DGKG: variants seen among roughly 807,000 people sequenced by gnomAD.
DGKG encodes the protein diacylglycerol kinase gamma, also known as DAG kinase gamma.
A neutral mutation model predicts 105.3 loss-of-function variants in DGKG; 78 were observed. The ratio of observed to expected loss-of-function variants is 0.74; its 90% CI spans 0.62 to 0.89. DGKG has a LOEUF of 0.89. Ranked by LOEUF, DGKG falls within the 40% of genes least tolerant of loss-of-function variation. The pLI, the probability that DGKG is intolerant of heterozygous loss-of-function variation, is 0.00. For synonymous variants in DGKG, 346 were observed against 367.1 expected, an observed-to-expected ratio of 0.94 and a Z score of 0.66; for missense variants, 958 against 1,020.1, an observed-to-expected ratio of 0.94 and a Z score of 0.83.
In DGKG at chr3:186,280,072, G is replaced by C. The variant is rs899980106; in HGVS notation, c.670-99C>G. On this transcript the variant is annotated intron_variant, in intron 8 of 24. Transcript: ENST00000265022. ...TTGTTCATCTTGCATTATCTGGTTT[G>C]TGTTTTACCCCTTTCCCCTCCTGTT... The C allele has an allele frequency of 9.5e-6, 14 of 1,474,210 alleles. No homozygotes were observed. In the South Asian group the frequency reaches 1.6e-4, roughly 17 times the overall value. The allele number at this position is 1,474,210 out of a possible 1,614,324, so 91.3% of individuals were successfully genotyped here.
chr3:186,332,609 A>G (rs1725653959), intron 1 of DGKG, among the ~76,000 whole-genome samples: 1 of 152,228 alleles, frequency 6.6e-6, no homozygotes, highest in Non-Finnish European at 1.5e-5. Flanking sequence ...TCTTGGCTCT[A>G]TCCTATATAA....
chr3:186,150,379 G>A (rs1293039459), intron 24 of DGKG, among the ~76,000 whole-genome samples, 191 bp from the exon 25 acceptor site: 2 of 152,158 alleles, frequency 1.3e-5, no homozygotes, highest in Admixed American at 6.5e-5. Flanking sequence ...ACGGCTGGAA[G>A]TGAGGGGCGG....
chr3:186,280,042 C>A, intron 8 of DGKG, 69 bp from the exon 9 acceptor site: 5 of 1,583,110 alleles, frequency 3.2e-6, no homozygotes, highest in Non-Finnish European at 4.3e-6. Context: ...TCTGCCTCTG[C>A]TGTCTTGTTC....
At chr3:186,286,528 A>G (rs1434548727) in intron 6 of DGKG, among the ~76,000 whole-genome samples, 1 of 150,034 alleles carries the variant, frequency 6.7e-6, no homozygotes, top group Non-Finnish European at 1.5e-5. Flanking sequence ...AGTACTTAGC[A>G]AATAGAAGGT....
chr3:186,285,617 G>T (rs1304097884), intron 6 of DGKG, among the ~76,000 whole-genome samples: 1 of 151,788 alleles, frequency 6.6e-6, no homozygotes, highest in East Asian at 1.9e-4. Flanking sequence ...GGTCTCATAA[G>T]TCAGCATGGC....
At chr3:186,216,322 A>T (rs960164840) in intron 20 of DGKG, among the ~76,000 whole-genome samples, 3 of 151,978 alleles carry the variant, frequency 2.0e-5, no homozygotes, top group African/African-American at 7.3e-5. Flanking sequence ...TAGCATCACC[A>T]AGACCTAAGA....
chr3:186,274,074 C>T (rs982981630), intron 10 of DGKG, among the ~76,000 whole-genome samples: 7 of 152,176 alleles, frequency 4.6e-5, no homozygotes, highest in Non-Finnish European at 1.0e-4. Context: ...TCCTCTACCA[C>T]TTGTAGTTTT....
chr3:186,188,676 T>C (rs1717759842), intron 21 of DGKG, among the ~76,000 whole-genome samples: 1 of 152,182 alleles, frequency 6.6e-6, no homozygotes, highest in Admixed American at 6.5e-5. Flanking sequence ...TTAAGTCAAT[T>C]GTCAAACTGT....
intron 1 of DGKG, among the ~76,000 whole-genome samples, chr3:186,322,998 T>C (rs557257306): frequency 1.3e-5 from 2 of 152,282 alleles, no homozygotes; most frequent in Admixed American, 1.3e-4. Flanking sequence ...AGCCCTGGCA[T>C]TAACTCAGAC....
At chr3:186,201,622 A>G (rs1319095064) in intron 21 of DGKG, among the ~76,000 whole-genome samples, 1 of 152,202 alleles carries the variant, frequency 6.6e-6, no homozygotes, top group Non-Finnish European at 1.5e-5. Context: ...AGAAGGCATG[A>G]GTGCCAGCCA....
intron 1 of DGKG, among the ~76,000 whole-genome samples, chr3:186,332,868 G>A (rs990671291): frequency 6.6e-6 from 1 of 152,030 alleles, no homozygotes; most frequent in East Asian, 1.9e-4. Flanking sequence ...TGGATTAATG[G>A]TCTATCATGG....
rs10693756 is a variant in DGKG at position 186,249,832 on chromosome 3, AAAAAC to A, written c.1761+1922_1761+1926del. ...TAAGTGACAGAGTGAGACTCGTCTC[AAAAAC>A]AAAACAAAACAAAACAAAACAACAC... On this transcript the variant is annotated intron_variant, in intron 19 of 24. Coordinates refer to ENST00000265022, the MANE Select transcript of DGKG (RefSeq NM_001346.3). Among the ~76,000 whole-genome samples, 107 of 151,882 alleles carry A rather than the reference AAAAAC, an allele frequency of 7.0e-4. 1 individual carries two copies. In the South Asian group the frequency reaches 9.1e-3, roughly 13 times the overall value.
chr3:186,259,482 T>C (rs1721648914), intron 16 of DGKG, among the ~76,000 whole-genome samples: 1 of 152,204 alleles, frequency 6.6e-6, no homozygotes, highest in Non-Finnish European at 1.5e-5. Flanking sequence ...TATGTTTCTT[T>C]CTCTTTTTAA....
chr3:186,318,773 T>C (rs1240331861), intron 2 of DGKG, among the ~76,000 whole-genome samples: 1 of 152,152 alleles, frequency 6.6e-6, no homozygotes, highest in Non-Finnish European at 1.5e-5. Flanking sequence ...GACTCCTTGA[T>C]TGTGGACTTC....
chr3:186,267,749 A>T lies in DGKG; in HGVS notation c.1145T>A (p.Leu382Ter), dbSNP rs745557492. 2.3e-5 allele frequency: 37 copies of T among 1,613,982 alleles called. No homozygotes were observed. The highest frequency in any genetic ancestry group is 3.3e-5 in the Admixed American group (2 of 60,004). ...GTCTCTGAGTTCCCCACCGTCACACAACGTTGATAATTCACATTTGCGGTG... is the reference window on the plus strand; with the variant it reads ...GTCTCTGAGTTCCCCACCGTCACACTACGTTGATAATTCACATTTGCGGTG... The part of the protein sequence containing the change: ...TFHRKCELST[L>*]CDGGELRDHI... Residue 382 changes from leucine to a stop codon, truncating the protein, a stop_gained, in exon 13 of 25, where the codon TTG (leucine) becomes TAG (stop). Coordinates refer to ENST00000265022, the MANE Select transcript of DGKG (RefSeq NM_001346.3). LOFTEE classifies it high-confidence loss of function.
At chr3:186,260,567 C>A (rs1721721121) in intron 15 of DGKG, 54 bp from the exon 16 acceptor site, 4 of 1,368,266 alleles carry the variant, frequency 2.9e-6, no homozygotes, top group East Asian at 2.3e-5. Context: ...AGGAATATGT[C>A]ATCGTGAGAA....
chr3:186,290,171 C>T (rs1218033028), intron 5 of DGKG, among the ~76,000 whole-genome samples: 2 of 152,120 alleles, frequency 1.3e-5, no homozygotes, highest in Admixed American at 6.5e-5. Context: ...TGGACAAGGC[C>T]CTTAGCGGGA....
chr3:186,298,435 G>C (rs1020781457), intron 3 of DGKG, among the ~76,000 whole-genome samples: 1 of 152,216 alleles, frequency 6.6e-6, no homozygotes, highest in Non-Finnish European at 1.5e-5. Flanking sequence ...GGGTGTAAGA[G>C]AGAGAAAATG....
At chr3:186,161,761 GCCTA>G (rs1716302018) in intron 23 of DGKG, 98 bp from the exon 24 acceptor site, 15 of 1,561,874 alleles carry the variant, frequency 9.6e-6, no homozygotes, top group Admixed American at 7.2e-5. Context: ...AACCTTATCT[GCCTA>G]CCTAAGTGTG....
Sources: allele counts gnomAD v4.1 joint callset (sites outside exome capture counted in the v4.1 genomes callset), GRCh38; gene constraint gnomAD v4.1.1; transcripts MANE v1.5; gene names NCBI Gene and HGNC (gene_info 2026-07-23, HGNC 2026-07-21).